RANBP2: variants seen among roughly 807,000 people sequenced by gnomAD.
RANBP2 encodes the protein E3 SUMO-protein ligase RanBP2.
RANBP2 carries 57 observed loss-of-function variants against 303.6 expected under a neutral mutation model. That is an observed-to-expected ratio of 0.19 (90% CI 0.15 to 0.23). RANBP2 has a LOEUF of 0.23. Among genes scored for constraint, RANBP2 ranks in the 10% least tolerant of loss-of-function variants. The pLI is 1.00. For synonymous variants in RANBP2, 1,167 were observed against 1,301.5 expected (o/e 0.90, Z 2.23); for missense variants, 3,138 against 3,780.8 (o/e 0.83, Z 4.46).
chr2:108,959,496 G>T, the RANBP2 span, among the ~76,000 whole-genome samples: 2 of 152,202 alleles, frequency 1.3e-5, no homozygotes, highest in Non-Finnish European at 2.9e-5. Context: ...TCAATGCTTT[G>T]TTTCTCTGTG....
the RANBP2 span, among the ~76,000 whole-genome samples, chr2:109,583,854 G>A: frequency 6.6e-6 from 1 of 152,138 alleles, no homozygotes; most frequent in African/African-American, 2.4e-5. Flanking sequence ...GATGAAGCTG[G>A]AGGCCGTTAT....
chr2:108,843,875 TG>T, the RANBP2 span, among the ~76,000 whole-genome samples: 7,565 of 35,616 alleles, frequency 0.21, 367 homozygotes, highest in Non-Finnish European at 0.3. Flanking sequence ...TGTGTGTGTG[TG>T]TGTTTCTTTC....
chr2:109,642,450 T>C, the RANBP2 span, among the ~76,000 whole-genome samples: 1 of 152,046 alleles, frequency 6.6e-6, no homozygotes, highest in Non-Finnish European at 1.5e-5. Flanking sequence ...CATGTGCACA[T>C]AGAAAGGTAA....
chr2:109,520,010 A>G, the RANBP2 span, among the ~76,000 whole-genome samples: 4,250 of 152,310 alleles, frequency 0.028, 219 homozygotes, highest in African/African-American at 0.097. Context: ...ATGAAATTAC[A>G]TGGAAATAAA....
At chr2:109,043,212 C>T in the RANBP2 span, among the ~76,000 whole-genome samples, 1 of 152,218 alleles carries the variant, frequency 6.6e-6, no homozygotes, top group African/African-American at 2.4e-5. Flanking sequence ...TAGCCAGAAA[C>T]AACTTACCTT....
chr2:109,052,993 C>T, the RANBP2 span, among the ~76,000 whole-genome samples: 2 of 152,220 alleles, frequency 1.3e-5, no homozygotes, highest in African/African-American at 2.4e-5. Context: ...TGGGGCGTCC[C>T]TTCCCCTGTT....
chr2:109,590,031 T>C, the RANBP2 span, among the ~76,000 whole-genome samples: 2 of 147,698 alleles, frequency 1.4e-5, no homozygotes, highest in Admixed American at 6.8e-5. Flanking sequence ...TACACACACA[T>C]ATATACACAC....
At chr2:109,465,381 A>G in the RANBP2 span, among the ~76,000 whole-genome samples, 1 of 152,326 alleles carries the variant, frequency 6.6e-6, no homozygotes, top group South Asian at 2.1e-4. Flanking sequence ...GTAAAAGTAC[A>G]TTTAGTTTTG....
chr2:108,810,258 AGTATGAT>A, the RANBP2 span, among the ~76,000 whole-genome samples: 1 of 152,198 alleles, frequency 6.6e-6, no homozygotes, highest in African/African-American at 2.4e-5. Flanking sequence ...TTCCCTGTTC[AGTATGAT>A]GTTAATTGTG....
chr2:108,756,259 T>A (rs1010372064), intron 17 of RANBP2, among the ~76,000 whole-genome samples: 17 of 152,212 alleles, frequency 1.1e-4, no homozygotes, highest in African/African-American at 3.9e-4. Context: ...TGAAAAGTGG[T>A]CTGAGCTTCA....
the RANBP2 span, chr2:108,856,903 A>G: frequency 6.2e-7 from 1 of 1,613,308 alleles, no homozygotes; most frequent in African/African-American, 1.3e-5. Flanking sequence ...TAAGTCATCT[A>G]AGAATATCCA....
Position 108,719,509 on chromosome 2 carries a change from T to C in RANBP2, c.-98T>C, listed in dbSNP as rs1694029541. Reference sequence around the variant, plus strand: ...AGTGGTCCTCCGCCGGCTACGGCGCTGCGTCACTGGTTTGCAGGCGCTTTC... The same window carrying C: ...AGTGGTCCTCCGCCGGCTACGGCGCCGCGTCACTGGTTTGCAGGCGCTTTC... On this transcript the variant is annotated 5_prime_UTR_variant, in exon 1 of 29. Transcript: ENST00000283195. The C allele has an allele frequency of 5.2e-6, 8 of 1,533,804 alleles. No homozygotes were observed. In the South Asian group the frequency reaches 9.6e-5, roughly 18 times the overall value.
chr2:109,296,297 G>A, the RANBP2 span, among the ~76,000 whole-genome samples: 2 of 151,824 alleles, frequency 1.3e-5, no homozygotes, highest in Non-Finnish European at 2.9e-5. Context: ...GTGCTATCTC[G>A]GCTCACTGCA....
chr2:108,767,113 A>G lies in RANBP2; in HGVS notation c.6574A>G (p.Thr2192Ala), dbSNP rs747411950. 7.4e-6 allele frequency: 12 copies of G among 1,611,706 alleles called. No homozygotes were observed. The East Asian group carries it at 2.2e-4, about 30-fold the overall frequency. ...TFLTNDQTKVTEEENKGSGTG... is the reference protein window; with the variant it reads ...TFLTNDQTKVAEEENKGSGTG... ...TTTGACAAATGATCAAACAAAAGTC[A>G]CTGAGGAAGAAAATAAGGGTTCAGG... is the stretch of plus-strand genomic sequence containing the variant. Residue 2192 changes from threonine to alanine, a missense_variant, in exon 20 of 29, where the codon ACT becomes GCT. This residue lies in a region of RANBP2 where 103 missense variants were observed against 214.3 expected (regional missense o/e 0.48). Transcript: ENST00000283195.
chr2:108,950,321 G>C, the RANBP2 span, among the ~76,000 whole-genome samples: 3 of 149,376 alleles, frequency 2.0e-5, no homozygotes, highest in Non-Finnish European at 3.0e-5. Context: ...GTCAAGCATA[G>C]CTCACTGCAG....
the RANBP2 span, among the ~76,000 whole-genome samples, chr2:109,416,468 TC>T: frequency 6.6e-6 from 1 of 152,092 alleles, no homozygotes; most frequent in Non-Finnish European, 1.5e-5. Context: ...CACTGCAACT[TC>T]CGCCTCCTGG....
the RANBP2 span, among the ~76,000 whole-genome samples, chr2:109,511,901 C>T: frequency 7.6e-4 from 115 of 152,250 alleles, no homozygotes; most frequent in African/African-American, 2.6e-3. Flanking sequence ...ATGTGTGCCT[C>T]CTGGCACCCA....
chr2:109,322,747 C>T, the RANBP2 span, among the ~76,000 whole-genome samples: 1 of 152,188 alleles, frequency 6.6e-6, no homozygotes, highest in African/African-American at 2.4e-5. Flanking sequence ...TCATATTTTG[C>T]TTTTCCAGCA....
chr2:109,253,760 T>C, the RANBP2 span, among the ~76,000 whole-genome samples: 2 of 151,810 alleles, frequency 1.3e-5, no homozygotes. Flanking sequence ...AGACCATGAT[T>C]TCTCTTTGAT....
Sources: gnomAD v4.1 joint callset for allele counts (sites outside exome capture counted in the v4.1 genomes callset) on GRCh38, gnomAD v4.1.1 for gene constraint, gnomAD v4.1.1 regional missense constraint, MANE v1.5 for transcripts, NCBI Gene and HGNC (gene_info 2026-07-23, HGNC 2026-07-21) for gene names.